NAGPA: variants seen among roughly 807,000 people sequenced by gnomAD.
NAGPA encodes N-acetylglucosamine-1-phosphodiester alpha-N-acetylglucosaminidase.
A neutral mutation model predicts 48.5 loss-of-function variants in NAGPA; 56 were observed. The ratio of observed to expected loss-of-function variants is 1.15; its 90% CI spans 0.93 to 1.44. The LOEUF (loss-of-function observed/expected upper bound fraction) is 1.44, where lower values mean the gene tolerates loss of function less well. NAGPA is among the 40% of genes most tolerant of loss of function. NAGPA has a pLI of 0.00. For missense variants in NAGPA, 888 were observed against 735.0 expected (o/e 1.21, Z -2.41); for synonymous variants, 399 against 315.5 (o/e 1.26, Z -2.81).
At position 5,027,137 on chromosome 16, in the gene NAGPA, G is replaced by C. The variant is rs756355732; in HGVS notation, c.1338C>G (p.Thr446=). Residue 446 remains threonine (T), a splice_region_variant and synonymous_variant, in exon 9 of 10, where the codon ACC becomes ACG. Transcript: ENST00000312251. ...TLRAGELSFF[T]RTAWLALTLA... is the part of the protein sequence containing the mutation. ...CCAGCTCCCACAGAAGCACCTACCT[G>C]GTGAAAAAGGAGAGTTCTCCCGCCC... The C allele has an allele frequency of 1.2e-6, 2 of 1,614,176 alleles. No individual in the cohort carries two copies. Among genetic ancestry groups the C allele is most frequent in the Admixed American group, 1.7e-5 (1 of 60,028 alleles).
intron 4 of NAGPA, chr16:5,029,364 G>C (rs564725570): frequency 2.5e-5 from 9 of 356,344 alleles, no homozygotes; most frequent in South Asian, 8.9e-5. Flanking sequence ...CCGGACAACT[G>C]GGGGAGAGGA....
intron 5 of NAGPA, chr16:5,028,544 C>A (rs976849190): frequency 5.3e-6 from 3 of 569,402 alleles, no homozygotes; most frequent in African/African-American, 1.9e-5. Context: ...CCTCTCCAGT[C>A]TTTTATAGGT....
intron 2 of NAGPA, chr16:5,032,873 A>G (rs1342970035): frequency 8.0e-6 from 2 of 251,414 alleles, no homozygotes; most frequent in Admixed American, 5.3e-5. Context: ...CTCAAAGGTC[A>G]CCTCGGAGAG....
rs74005498 is a variant in NAGPA, at chr16:5,027,657, C to T, written c.1174+189G>A. ...AGAGCCCGGGGACCCTTGTTTTAGC[C>T]GAGCCCTTTGTGGAACGGGCCGCAG... On this transcript the variant is annotated intron_variant, in intron 7 of 9. Transcript: ENST00000312251. Among the ~76,000 whole-genome samples the T allele has an allele frequency of 9.8e-3, 1,487 of 152,292 alleles. 22 individuals are homozygous for T. Among genetic ancestry groups the T allele is most frequent in the African/African-American group, 0.033 (1,390 of 41,558 alleles).
At position 5,033,813 on chromosome 16, in the gene NAGPA, A is replaced by G. The variant is rs1200785103; in HGVS notation, c.86+16T>C. The G allele has an allele frequency of 5.8e-6, 9 of 1,556,208 alleles. No homozygotes were observed. The highest frequency in any genetic ancestry group is 7.8e-6 in the Non-Finnish European group (9 of 1,150,838). ...GGGACCCCCCGAACCAGGCTGGCCC[A>G]GGGAGCTGCACTCACCCCGAGTCGA... On this transcript the variant is annotated intron_variant, in intron 1 of 9. Transcript: ENST00000312251. The surrounding 1 kb of genome is among the most constrained non-coding windows in gnomAD (Gnocchi z 4.2).
At chr16:5,031,496 C>G (rs941397758) in intron 3 of NAGPA, 1 of 516,970 alleles carries the variant, frequency 1.9e-6, no homozygotes, top group Non-Finnish European at 3.5e-6. Flanking sequence ...GTCCCCATCT[C>G]TCCCCTTTCC....
At chr16:5,029,769 C>G (rs1029937622) in intron 4 of NAGPA, 1 of 159,760 alleles carries the variant, frequency 6.3e-6, no homozygotes, top group Non-Finnish European at 1.4e-5. Context: ...ACTAAAAATA[C>G]AAAAATTAGC....
In NAGPA at chr16:5,028,088, A is replaced by G; in HGVS notation, c.1018T>C (p.Cys340Arg). 2 of 1,613,174 alleles carry G rather than the reference A, an allele frequency of 1.2e-6. No homozygotes were observed. Among genetic ancestry groups the G allele is most frequent in the Non-Finnish European group, 1.7e-6 (2 of 1,179,746 alleles). The part of the protein sequence containing the change: ...QPPDCHGHGT[C>R]VDGHCQCTGH... ...GTGCATTGGCAGTGCCCGTCCACGC[A>G]GGTCCCGTGGCCGTGGCAGTCAGGC... Residue 340 changes from cysteine to arginine, a missense_variant, in exon 6 of 10, where the codon TGC (cysteine) becomes CGC (arginine). Coordinates refer to ENST00000312251, the MANE Select transcript of NAGPA (RefSeq NM_016256.4).
intron 2 of NAGPA, among the ~76,000 whole-genome samples, chr16:5,032,500 C>CA (rs931022428): frequency 6.6e-5 from 10 of 151,340 alleles, no homozygotes; most frequent in Non-Finnish European, 8.9e-5. Flanking sequence ...CGTTCCCCAC[C>CA]CCATCCCGTC....
In NAGPA at chr16:5,029,159, G is replaced by A. The variant is rs567237517; in HGVS notation, c.792-151C>T. 59 of 1,334,162 alleles carry A rather than the reference G, an allele frequency of 4.4e-5. No homozygotes were observed. In the East Asian group the frequency reaches 1.3e-3, roughly 29 times the overall value. 82.6% of individuals were successfully genotyped at this position (1,334,162 alleles called of 1,614,324 possible). A position where few individuals can be genotyped will look rare whatever the true frequency, so the allele number is the denominator to read the frequency against. On this transcript the variant is annotated intron_variant, in intron 4 of 9. Transcript: ENST00000312251. Reference sequence around the variant, plus strand: ...CCAAGCATGTCTCATCCTAGCCCCCGGAAGCTGTGAACACGTGAGATCACA... The same window carrying A: ...CCAAGCATGTCTCATCCTAGCCCCCAGAAGCTGTGAACACGTGAGATCACA...
Position 5,027,339 on chromosome 16 carries a change from A to G in NAGPA, c.1215T>C (p.Pro405=), listed in dbSNP as rs1230889426. ...LGWHGPGCQR[P]CKCEHHCPCD... Reference sequence around the variant, plus strand: ...AGGGACAATGGTGCTCACACTTACAAGGCCTCTGGCAGCCCGGCCCATGCC... The same window carrying G: ...AGGGACAATGGTGCTCACACTTACAGGGCCTCTGGCAGCCCGGCCCATGCC... The change falls in exon 8 of 10, where the codon CCT becomes CCC. Residue 405 remains proline, a synonymous_variant. Transcript: ENST00000312251. The G allele has an allele frequency of 6.2e-7, 1 of 1,614,008 alleles. No homozygotes were observed. Among genetic ancestry groups the G allele is most frequent in the African/African-American group, 1.3e-5 (1 of 74,914 alleles).
intron 5 of NAGPA, chr16:5,028,482 A>T (rs1037822493): frequency 1.6e-6 from 1 of 643,722 alleles, no homozygotes; most frequent in African/African-American, 1.8e-5. Flanking sequence ...CGAACCTCCC[A>T]CCTCGGCCTC....
At position 5,033,492 on chromosome 16, in the gene NAGPA, T is replaced by C; in HGVS notation, c.323A>G (p.Glu108Gly). Residue 108 changes from glutamate (E) to glycine (G), a missense_variant, in exon 2 of 10, where the codon GAG (glutamate) becomes GGG (glycine). Glu to Gly is a moderately conservative substitution (Grantham distance 98, BLOSUM62 -2). Coordinates refer to ENST00000312251, the MANE Select transcript of NAGPA (RefSeq NM_016256.4). This position sits in a 1 kb window ranked among gnomAD's most constrained non-coding sequence, Gnocchi z 4.2. ...CGCGCAGCCGCCGGGTCCACCGGGCTCCAGCACCGAGAAGGTGCGCAGGGG... is the reference window on the plus strand; with the variant it reads ...CGCGCAGCCGCCGGGTCCACCGGGCCCCAGCACCGAGAAGGTGCGCAGGGG... ...VEPLRTFSVL[E>G]PGGPGGCAAR... 1 of 1,564,324 alleles carries C rather than the reference T, an allele frequency of 6.4e-7. No homozygotes were observed. Among genetic ancestry groups the C allele is most frequent in the Non-Finnish European group, 8.6e-7 (1 of 1,163,760 alleles).
rs1955970223 is a variant in NAGPA, at chr16:5,025,041, G to T, written c.*437C>A. On this transcript the variant is annotated 3_prime_UTR_variant, in exon 10 of 10. Transcript: ENST00000312251. ...TCCAGTGATGAGGTCTGTAGAAAAG[G>T]GGTCCCGTGTCACAGCCAGGAAGGC... 4.8e-6 allele frequency: 1 copy of T among 208,184 alleles called. No homozygotes were observed. The allele number at this position is 208,184 out of a possible 1,614,324, so 12.9% of individuals were successfully genotyped here. A position where few individuals can be genotyped will look rare whatever the true frequency, so the allele number is the denominator to read the frequency against.
In NAGPA at chr16:5,028,203, G is replaced by A. The variant is rs753631595; in HGVS notation, c.921-18C>T. Reference sequence around the variant, plus strand: ...TGTCCTGGCTGTAGAGGGATGTGATGTGTGAGGAGAGGACACCCCCAGACG... The same window carrying A: ...TGTCCTGGCTGTAGAGGGATGTGATATGTGAGGAGAGGACACCCCCAGACG... On this transcript the variant is annotated intron_variant, in intron 5 of 9. Coordinates refer to ENST00000312251, the MANE Select transcript of NAGPA (RefSeq NM_016256.4). 1 of 1,552,760 alleles carries A rather than the reference G, an allele frequency of 6.4e-7. No individual in the cohort carries two copies. The highest frequency in any genetic ancestry group is 1.4e-5 in the African/African-American group (1 of 73,236).
At chr16:5,032,814 C>T (rs905764042) in intron 2 of NAGPA, among the ~76,000 whole-genome samples, 1 of 152,200 alleles carries the variant, frequency 6.6e-6, no homozygotes, top group African/African-American at 2.4e-5. Context: ...AAACGCTCTT[C>T]CTCCAGTTCT....
In NAGPA at chr16:5,033,863, A is replaced by C. The variant is rs1253282100; in HGVS notation, c.52T>G (p.Phe18Val). Residue 18 changes from phenylalanine (F) to valine (V), a missense_variant, in exon 1 of 10, where the codon TTC (phenylalanine) becomes GTC (valine). By Grantham distance (50) the Phe-to-Val change is conservative (BLOSUM62 -1). Transcript: ENST00000312251. This position sits in a 1 kb window ranked among gnomAD's most constrained non-coding sequence, Gnocchi z 4.2. ...WLLLRLALFG[F>V]LWEASGGLDS... ...AGGCCGCCGGACGCTTCCCAGAGGA[A>C]GCCGAATAGTGCAAGCCGGAGGAGA... 1 of 1,549,320 alleles carries C rather than the reference A, an allele frequency of 6.5e-7. No homozygotes were observed. Among genetic ancestry groups the C allele is most frequent in the Non-Finnish European group, 8.7e-7 (1 of 1,147,016 alleles).
rs1456025675 is a variant in NAGPA at position 5,025,516 on chromosome 16, C to T, written c.1510G>A (p.Glu504Lys). ...GGGTTGTGGGCGCCCCCTGGCTGCT[C>T]CTTCTCTGCGGCCAGAGGCTCCCCG... ...MNGEPLAAEK[E>K]QPGGAHNPFK... is the part of the protein sequence containing the mutation. The change falls in exon 10 of 10, where the codon GAG becomes AAG. Residue 504 changes from glutamate (E) to lysine (K), a missense_variant. Coordinates refer to ENST00000312251, the MANE Select transcript of NAGPA (RefSeq NM_016256.4). 2 of 1,612,698 alleles carry T rather than the reference C, an allele frequency of 1.2e-6. No individual in the cohort carries two copies. The highest frequency in any genetic ancestry group is 1.3e-5 in the African/African-American group (1 of 74,910).
rs1955989629 is a variant in NAGPA, at chr16:5,025,767, C to T, written c.1341-82G>A. ...GTAGCACTGGAGGGGCTTCCCTCTA[C>T]CCGGCATAGATAGCACTAAATCAGG... On this transcript the variant is annotated intron_variant, in intron 9 of 9. Coordinates refer to ENST00000312251, the MANE Select transcript of NAGPA (RefSeq NM_016256.4). 16 of 1,413,744 alleles carry T rather than the reference C, an allele frequency of 1.1e-5. No individual in the cohort carries two copies. The South Asian group carries it at 1.8e-4, about 16-fold the overall frequency. 87.6% of individuals were successfully genotyped at this position (1,413,744 alleles called of 1,614,324 possible). A position where few individuals can be genotyped will look rare whatever the true frequency, so the allele number is the denominator to read the frequency against.
Sources: gnomAD v4.1 joint callset for allele counts (sites outside exome capture counted in the v4.1 genomes callset) on GRCh38, gnomAD v4.1.1 for gene constraint, Gnocchi (gnomAD v3.1) non-coding constraint, MANE v1.5 for transcripts, NCBI Gene and HGNC (gene_info 2026-07-23, HGNC 2026-07-21) for gene names.